KCNIP4: variants seen among roughly 807,000 people sequenced by gnomAD.
The protein encoded by KCNIP4 is Kv channel-interacting protein 4.
KCNIP4 carries 12 observed loss-of-function variants against 34.0 expected under a neutral mutation model. The ratio of observed to expected loss-of-function variants is 0.35; its 90% CI spans 0.23 to 0.57. The LOEUF (loss-of-function observed/expected upper bound fraction) is 0.57, where lower values mean the gene tolerates loss of function less well. Among genes scored for constraint, KCNIP4 ranks in the 20% least tolerant of loss-of-function variants. The pLI is 0.83. For missense variants in KCNIP4, 238 were observed against 311.7 expected, an observed-to-expected ratio of 0.76 and a Z score of 1.78; for synonymous variants, 124 against 102.2, an observed-to-expected ratio of 1.21 and a Z score of -1.29.
intron 1 of KCNIP4, among the ~76,000 whole-genome samples, chr4:21,863,412 G>A (rs1725218883): frequency 6.6e-6 from 1 of 152,156 alleles, no homozygotes; most frequent in Non-Finnish European, 1.5e-5. Flanking sequence ...ACATAAACCT[G>A]AACTGTCAAA....
chr4:21,221,078 GTGCTCTTAACACC>G (rs1757949181), intron 1 of KCNIP4, among the ~76,000 whole-genome samples: 1 of 152,042 alleles, frequency 6.6e-6, no homozygotes. Context: ...TCATTCCTCT[GTGCTCTTAACACC>G]TGCTCCTTAG....
At chr4:21,135,417 G>T (rs1751428006) in intron 1 of KCNIP4, among the ~76,000 whole-genome samples, 1 of 152,106 alleles carries the variant, frequency 6.6e-6, no homozygotes, top group Non-Finnish European at 1.5e-5. Context: ...CATTTTTGTA[G>T]ACCTTTTACT....
At chr4:20,911,044 T>C (rs999500468) in intron 1 of KCNIP4, among the ~76,000 whole-genome samples, 2 of 152,148 alleles carry the variant, frequency 1.3e-5, no homozygotes, top group African/African-American at 4.8e-5. Context: ...TCCAGTGGAA[T>C]GGATATTTCT....
chr4:20,894,801 C>A (rs1003331168), intron 1 of KCNIP4, among the ~76,000 whole-genome samples: 1 of 152,134 alleles, frequency 6.6e-6, no homozygotes, highest in Non-Finnish European at 1.5e-5. Context: ...AACAATAGAA[C>A]AAGAAAGTCC....
At chr4:21,582,032 G>GAATA (rs1560534549) in intron 1 of KCNIP4, 3 of 53,568 alleles carry the variant, frequency 5.6e-5, no homozygotes, top group African/African-American at 1.5e-4. Flanking sequence ...AGAATAGAAT[G>GAATA]GAATGGAATG....
At chr4:21,350,569 T>A (rs1417210934) in intron 1 of KCNIP4, among the ~76,000 whole-genome samples, 1 of 152,184 alleles carries the variant, frequency 6.6e-6, no homozygotes, top group Non-Finnish European at 1.5e-5. Context: ...GTAGAACTGA[T>A]TATTATGCCC....
At chr4:21,149,796 ATGG>A (rs1752630943) in intron 1 of KCNIP4, among the ~76,000 whole-genome samples, 4 of 152,170 alleles carry the variant, frequency 2.6e-5, no homozygotes, top group African/African-American at 9.7e-5. Flanking sequence ...ACAGGGATCT[ATGG>A]TTTGGGGACA....
At chr4:21,765,247 CG>C (rs1718334094) in intron 1 of KCNIP4, among the ~76,000 whole-genome samples, 1 of 151,446 alleles carries the variant, frequency 6.6e-6, no homozygotes, top group Non-Finnish European at 1.5e-5. Flanking sequence ...CCTCGACCTC[CG>C]GGGCTCAAGT....
chr4:21,577,365 C>T (rs903644653), intron 1 of KCNIP4, among the ~76,000 whole-genome samples: 5 of 152,148 alleles, frequency 3.3e-5, no homozygotes, highest in African/African-American at 1.2e-4. Context: ...CACTGTGGCT[C>T]ACCCCTGTAA....
chr4:21,873,084 C>A (rs926083144), intron 1 of KCNIP4, among the ~76,000 whole-genome samples: 11 of 152,164 alleles, frequency 7.2e-5, no homozygotes, highest in African/African-American at 2.7e-4. Context: ...TTTGTATGTG[C>A]ATTTTCTCTG....
chr4:20,823,555 AG>A (rs1717366993), intron 3 of KCNIP4, among the ~76,000 whole-genome samples: 1 of 152,130 alleles, frequency 6.6e-6, no homozygotes, highest in Non-Finnish European at 1.5e-5. Flanking sequence ...AGTTATAAAA[AG>A]ACACAAGAAA....
chr4:21,835,199 G>A (rs1281509541), intron 1 of KCNIP4, among the ~76,000 whole-genome samples: 2 of 151,984 alleles, frequency 1.3e-5, no homozygotes, highest in African/African-American at 4.8e-5. Flanking sequence ...AACTATGAAA[G>A]ATGATAATAA....
chr4:20,933,637 A>G (rs2149605531), intron 1 of KCNIP4, among the ~76,000 whole-genome samples: 1 of 152,296 alleles, frequency 6.6e-6, no homozygotes, highest in East Asian at 1.9e-4. Context: ...GTAAATGTTC[A>G]AAATATTAGT....
At chr4:20,747,785 G>A (rs1275687794) in intron 5 of KCNIP4, among the ~76,000 whole-genome samples, 1 of 152,052 alleles carries the variant, frequency 6.6e-6, no homozygotes, top group African/African-American at 2.4e-5. Flanking sequence ...GTGTGAGGAG[G>A]CTCTTGCCTG....
At chr4:21,797,872 T>C (rs990367903) in intron 1 of KCNIP4, among the ~76,000 whole-genome samples, 9 of 152,168 alleles carry the variant, frequency 5.9e-5, no homozygotes, top group Non-Finnish European at 1.3e-4. Context: ...CTGGTAAGGT[T>C]CCCATGTCAT....
At chr4:21,412,995 C>G (rs1724637380) in intron 1 of KCNIP4, among the ~76,000 whole-genome samples, 1 of 152,174 alleles carries the variant, frequency 6.6e-6, no homozygotes, top group South Asian at 2.1e-4. Context: ...CCAGAGAACA[C>G]TGATATATCT....
chr4:21,352,718 A>G (rs1415403542), intron 1 of KCNIP4, among the ~76,000 whole-genome samples: 1 of 152,262 alleles, frequency 6.6e-6, no homozygotes, highest in African/African-American at 2.4e-5. Flanking sequence ...AACAAAAGGC[A>G]GCAGAAACTT....
chr4:21,165,847 C>CG (rs1179607943), intron 1 of KCNIP4, among the ~76,000 whole-genome samples: 10 of 152,230 alleles, frequency 6.6e-5, no homozygotes, highest in Middle Eastern at 3.4e-3. Context: ...TTAAGAGGTG[C>CG]GGCCTTTAAG....
At chr4:21,227,404 T>C (rs942452074) in intron 1 of KCNIP4, among the ~76,000 whole-genome samples, 3 of 152,180 alleles carry the variant, frequency 2.0e-5, no homozygotes, top group Non-Finnish European at 4.4e-5. Context: ...CTAACAAGAC[T>C]GGACTGTGGC....
Sources: gnomAD v4.1 joint callset for allele counts (sites outside exome capture counted in the v4.1 genomes callset) on GRCh38, gnomAD v4.1.1 for gene constraint, MANE v1.5 for transcripts, NCBI Gene and HGNC (gene_info 2026-07-23, HGNC 2026-07-21) for gene names.